The following PRICKLE2 variants were observed in gnomAD, a reference collection of about 807,000 sequenced individuals.
The protein encoded by PRICKLE2 is prickle planar cell polarity protein 2.
Under a neutral mutation model 81.4 loss-of-function variants are expected in PRICKLE2, and 21 were observed. The observed-to-expected ratio is 0.26, with a 90% confidence interval of 0.18 to 0.37. The LOEUF (loss-of-function observed/expected upper bound fraction) is 0.37, where lower values mean the gene tolerates loss of function less well. PRICKLE2 is among the 10% of genes least tolerant of loss of function. The pLI is 1.00. For missense variants in PRICKLE2, 940 were observed against 1,109.0 expected, an observed-to-expected ratio of 0.85 and a Z score of 2.16; for synonymous variants, 456 against 421.5, an observed-to-expected ratio of 1.08 and a Z score of -1.00.
rs2077469469 is a variant in PRICKLE2 at position 64,147,138 on chromosome 3, C to T, written c.1352G>A (p.Arg451Lys). 3 of 1,614,154 alleles carry T rather than the reference C, an allele frequency of 1.9e-6. No homozygotes were observed. The highest frequency in any genetic ancestry group is 2.7e-5 in the African/African-American group (2 of 75,036). ...TCCTGTCATGGCCAGTGACGAGCTC[C>T]TTTTGGGGTTGCTGAAGTGCTTGCC... ...MWGKHFSNPK[R>K]SSSLAMTGHA... is the part of the protein sequence containing the mutation. Residue 451 changes from arginine (R) to lysine (K), a missense_variant, in exon 7 of 8, where the codon AGG becomes AAG. Coordinates refer to ENST00000638394, the MANE Select transcript of PRICKLE2 (RefSeq NM_198859.4). The surrounding 1 kb of genome is among the most constrained non-coding windows in gnomAD (Gnocchi z 5.0).
Position 64,092,635 on chromosome 3 carries a change from T to C in PRICKLE2, c.*6416A>G, listed in dbSNP as rs2076523165. On this transcript the variant is annotated 3_prime_UTR_variant, in exon 8 of 8. Transcript: ENST00000638394. ...TGCTGCCCTAACCAGAACACAGACA[T>C]GGATGTAATTCTCCAGACAGACCAC... 1 of 152,200 alleles carries C rather than the reference T, an allele frequency of 6.6e-6. No individual in the cohort carries two copies. Among genetic ancestry groups the C allele is most frequent in the Non-Finnish European group, 1.5e-5 (1 of 68,038 alleles). 9.4% of individuals were successfully genotyped at this position (152,200 alleles called of 1,614,324 possible).
At chr3:64,138,976 A>C (rs150952731) in intron 7 of PRICKLE2, among the ~76,000 whole-genome samples, 1 of 152,376 alleles carries the variant, frequency 6.6e-6, no homozygotes, top group Non-Finnish European at 1.5e-5. Context: ...CCTTCCTTAA[A>C]TTAAATATAG....
At chr3:64,104,995 C>T (rs888031226) in intron 7 of PRICKLE2, among the ~76,000 whole-genome samples, 8 of 152,180 alleles carry the variant, frequency 5.3e-5, no homozygotes, top group South Asian at 2.1e-4. Context: ...TAAGGCCCTA[C>T]GTGACTTGGC....
At chr3:64,124,436 A>G (rs545818451) in intron 7 of PRICKLE2, among the ~76,000 whole-genome samples, 1 of 152,358 alleles carries the variant, frequency 6.6e-6, no homozygotes, top group Non-Finnish European at 1.5e-5. Flanking sequence ...CAGATTTTCA[A>G]TGTAGGTGAA....
chr3:64,207,842 G>A (rs1023587213), intron 1 of PRICKLE2, among the ~76,000 whole-genome samples: 4 of 152,168 alleles, frequency 2.6e-5, no homozygotes, highest in Non-Finnish European at 5.9e-5. Flanking sequence ...GCTTTGAATT[G>A]TGTCTTTGTA....
At chr3:64,262,284 A>G (rs1286234721) in intron 2 of PRICKLE2, among the ~76,000 whole-genome samples, 1 of 152,148 alleles carries the variant, frequency 6.6e-6, no homozygotes, top group East Asian at 1.9e-4. Context: ...GGAGAGGGTA[A>G]GAGAAAGAGA....
chr3:64,255,053 C>T (rs188294706), intron 2 of PRICKLE2, among the ~76,000 whole-genome samples: 132 of 152,268 alleles, frequency 8.7e-4, no homozygotes, highest in Non-Finnish European at 1.4e-3. Flanking sequence ...AACCTGAAAG[C>T]GCCTATCTAC....
chr3:64,194,018 T>C (rs916674307), intron 2 of PRICKLE2, among the ~76,000 whole-genome samples: 2 of 152,252 alleles, frequency 1.3e-5, no homozygotes, highest in African/African-American at 4.8e-5. Flanking sequence ...GTTGGTGGAA[T>C]TGTGAGTGAT....
At chr3:64,255,885 C>T (rs1257716478) in intron 2 of PRICKLE2, among the ~76,000 whole-genome samples, 2 of 152,138 alleles carry the variant, frequency 1.3e-5, no homozygotes, top group African/African-American at 4.8e-5. Flanking sequence ...GCTTCCCTGC[C>T]TTTTTTCTTC....
At chr3:64,119,198 C>A (rs992264140) in intron 7 of PRICKLE2, among the ~76,000 whole-genome samples, 2 of 152,006 alleles carry the variant, frequency 1.3e-5, no homozygotes, top group East Asian at 3.9e-4. Context: ...TGGAGGGGAA[C>A]AACACACACT....
chr3:64,159,418 T>C (rs1265157440), intron 4 of PRICKLE2, among the ~76,000 whole-genome samples: 1 of 152,266 alleles, frequency 6.6e-6, no homozygotes, highest in Non-Finnish European at 1.5e-5. Context: ...GCCATTGCTC[T>C]GCTCAATTCT....
At chr3:64,150,376 G>A (rs886798571) in intron 6 of PRICKLE2, among the ~76,000 whole-genome samples, 4 of 152,070 alleles carry the variant, frequency 2.6e-5, no homozygotes, top group African/African-American at 9.7e-5. Flanking sequence ...CTTGGTAATG[G>A]AGTTAACATG....
intron 1 of PRICKLE2, among the ~76,000 whole-genome samples, chr3:64,217,512 T>A (rs1371114360): frequency 6.6e-6 from 1 of 152,174 alleles, no homozygotes; most frequent in Non-Finnish European, 1.5e-5. Context: ...TAAGAACGAA[T>A]AAAATACAGA....
intron 2 of PRICKLE2, chr3:64,187,643 G>A (rs2078260008): frequency 6.6e-6 from 1 of 152,192 alleles, no homozygotes; most frequent in Admixed American, 6.5e-5. Flanking sequence ...GTTTTAGAAG[G>A]GCTATTAGAT....
intron 2 of PRICKLE2, among the ~76,000 whole-genome samples, chr3:64,259,359 C>G (rs1326091467): frequency 6.6e-6 from 1 of 152,150 alleles, no homozygotes; most frequent in Non-Finnish European, 1.5e-5. Flanking sequence ...GTATATCCCA[C>G]TAACAGCTGA....
chr3:64,204,299 T>C (rs1348840866), intron 1 of PRICKLE2, among the ~76,000 whole-genome samples: 2 of 152,148 alleles, frequency 1.3e-5, no homozygotes, highest in East Asian at 3.9e-4. Flanking sequence ...AGTTGCTTTA[T>C]ACCTTACATA....
chr3:64,256,342 T>C (rs1489712402), intron 2 of PRICKLE2, among the ~76,000 whole-genome samples: 1 of 152,220 alleles, frequency 6.6e-6, no homozygotes, highest in Non-Finnish European at 1.5e-5. Context: ...TTAGGAGACC[T>C]GTATTTCGGA....
intron 7 of PRICKLE2, chr3:64,104,483 A>G (rs2076722582): frequency 6.6e-6 from 1 of 152,274 alleles, no homozygotes; most frequent in African/African-American, 2.4e-5. Flanking sequence ...CCTGTCTTTC[A>G]TAAGCCCAGA....
At chr3:64,217,697 G>T (rs1330318440) in intron 1 of PRICKLE2, among the ~76,000 whole-genome samples, 2 of 152,188 alleles carry the variant, frequency 1.3e-5, no homozygotes, top group African/African-American at 4.8e-5. Context: ...TGCCTCCAGT[G>T]CTGTGTTGAG....
Sources: gnomAD v4.1 joint callset for allele counts (sites outside exome capture counted in the v4.1 genomes callset) on GRCh38, gnomAD v4.1.1 for gene constraint, Gnocchi (gnomAD v3.1) non-coding constraint, MANE v1.5 for transcripts, NCBI Gene and HGNC (gene_info 2026-07-23, HGNC 2026-07-21) for gene names.